The following BRSK2 variants were observed in gnomAD, a reference collection of about 807,000 sequenced individuals.
BRSK2 encodes the protein BR serine/threonine kinase 2.
A neutral mutation model predicts 83.3 loss-of-function variants in BRSK2; 19 were observed. That is an observed-to-expected ratio of 0.23 (90% CI 0.16 to 0.33). The LOEUF (loss-of-function observed/expected upper bound fraction) is 0.33, where lower values mean the gene tolerates loss of function less well. BRSK2 is among the 10% of genes least tolerant of loss of function. The probability of loss-of-function intolerance (pLI) is 1.00; values close to 1 mark genes in which losing one functional copy is unlikely to be tolerated. For missense variants in BRSK2, 798 were observed against 1,042.3 expected, an observed-to-expected ratio of 0.77 and a Z score of 3.23; for synonymous variants, 519 against 435.4, an observed-to-expected ratio of 1.19 and a Z score of -2.39.
intron 1 of BRSK2, among the ~76,000 whole-genome samples, chr11:1,427,909 A>C (rs983040522): frequency 4.1e-4 from 62 of 152,264 alleles, no homozygotes; most frequent in African/African-American, 1.5e-3. Flanking sequence ...TCATAACCCA[A>C]ACATTCTGCT....
chr11:1,456,853 G>A lies in BRSK2; in HGVS notation c.1939+166G>A, dbSNP rs550239691. 9.7e-5 allele frequency: 137 copies of A among 1,406,258 alleles called. No individual in the cohort carries two copies. The East Asian group carries it at 1.9e-3, about 20-fold the overall frequency. The allele number at this position is 1,406,258 out of a possible 1,614,324, so 87.1% of individuals were successfully genotyped here. A position where few individuals can be genotyped will look rare whatever the true frequency, so the allele number is the denominator to read the frequency against. ...CTGTGGCTGCACCCCTCAGGGAGCA[G>A]AGCCCCTCCCTGGCCTGGCGGGACC... On this transcript the variant is annotated intron_variant, in intron 18 of 19. Transcript: ENST00000528841.
Position 1,454,585 on chromosome 11 carries a change from G to A in BRSK2, c.1645G>A (p.Asp549Asn). The change falls in exon 16 of 20, where the codon GAC (aspartate) becomes AAC (asparagine). Residue 549 changes from aspartate (D) to asparagine (N), a missense_variant. Physicochemically the swap from Asp to Asn is conservative, Grantham distance 23. This residue lies in a region of BRSK2 where 455 missense variants were observed against 455.2 expected (regional missense o/e 1.00). Transcript: ENST00000528841. The surrounding 1 kb of genome is among the most constrained non-coding windows in gnomAD (Gnocchi z 5.2). ...CAAACCTCTGAGCTCCATCAAGGCT[G>A]ACATCGTGCACGCCTTCCTGTCGGT... ...KDKPLSSIKA[D>N]IVHAFLSIPS... 1 of 1,613,130 alleles carries A rather than the reference G, an allele frequency of 6.2e-7. No individual in the cohort carries two copies. Among genetic ancestry groups the A allele is most frequent in the Non-Finnish European group, 8.5e-7 (1 of 1,179,940 alleles).
At chr11:1,448,916 G>T (rs897027613) in intron 12 of BRSK2, among the ~76,000 whole-genome samples, 1 of 152,238 alleles carries the variant, frequency 6.6e-6, no homozygotes, top group African/African-American at 2.4e-5. Context: ...GCCCCTCGTG[G>T]CCGGCTGGCG....
intron 1 of BRSK2, among the ~76,000 whole-genome samples, chr11:1,416,374 AG>A (rs1294486741): frequency 3.9e-5 from 6 of 152,118 alleles, no homozygotes; most frequent in African/African-American, 7.2e-5. Flanking sequence ...GCTGTTTTGC[AG>A]GGTCAGTCTT....
chr11:1,424,668 C>T (rs1848994130), intron 1 of BRSK2, among the ~76,000 whole-genome samples: 1 of 152,210 alleles, frequency 6.6e-6, no homozygotes, highest in Non-Finnish European at 1.5e-5. Context: ...TCCTCCCGTG[C>T]TTCACCCTCC....
At chr11:1,417,036 G>A (rs1254993885) in intron 1 of BRSK2, among the ~76,000 whole-genome samples, 2 of 152,152 alleles carry the variant, frequency 1.3e-5, no homozygotes, top group African/African-American at 2.4e-5. Context: ...GCAGGCACCT[G>A]TAATCCCAGC....
At chr11:1,433,338 T>G (rs1156907512) in intron 1 of BRSK2, among the ~76,000 whole-genome samples, 1 of 152,256 alleles carries the variant, frequency 6.6e-6, no homozygotes, top group Non-Finnish European at 1.5e-5. Flanking sequence ...TGCACCCTCA[T>G]GATGCCCTGG....
intron 1 of BRSK2, among the ~76,000 whole-genome samples, chr11:1,402,070 CTT>C (rs1769049173): frequency 6.6e-6 from 1 of 152,230 alleles, no homozygotes. Flanking sequence ...GCCTCTCTGT[CTT>C]TAACTTACAG....
Position 1,460,932 on chromosome 11 carries a change from GTC to G in BRSK2, c.*213_*214del, listed in dbSNP as rs765460902. On this transcript the variant is annotated 3_prime_UTR_variant, in exon 20 of 20. Coordinates refer to ENST00000528841, the MANE Select transcript of BRSK2 (RefSeq NM_001256627.2). ...TTTCTCTCTGTCTCTGCCTCTGCCTGTCTCTGACAGCATCGCTTGTTTCCACT... is the reference window on the plus strand; with the variant it reads ...TTTCTCTCTGTCTCTGCCTCTGCCTGTCTGACAGCATCGCTTGTTTCCACT... The G allele has an allele frequency of 5.0e-6, 8 of 1,612,032 alleles. No individual in the cohort carries two copies. The African/African-American group carries it at 6.7e-5, about 13-fold the overall frequency.
chr11:1,456,550 G>C, intron 17 of BRSK2, 22 bp downstream of exon 17: 1 of 1,598,408 alleles, frequency 6.3e-7, no homozygotes, highest in Non-Finnish European at 8.5e-7. Flanking sequence ...CCCCCAGGGC[G>C]GCTCCGGGCC....
In BRSK2 at chr11:1,443,338, G is replaced by A; in HGVS notation, c.568G>A (p.Glu190Lys). 6.2e-7 allele frequency: 1 copy of A among 1,607,372 alleles called. No homozygotes were observed. The highest frequency in any genetic ancestry group is 8.5e-7 in the Non-Finnish European group (1 of 1,178,002). Residue 190 changes from glutamate to lysine, a missense_variant, in exon 7 of 20, where the codon GAG becomes AAG. By Grantham distance (56) the Glu-to-Lys change is moderately conservative. Coordinates refer to ENST00000528841, the MANE Select transcript of BRSK2 (RefSeq NM_001256627.2). ...GCCCGGGCACTGCTGTCCACAGGGG[G>A]AGAAGTATGACGGCCGGAAGGCGGA... is the stretch of plus-strand genomic sequence containing the variant. ...HYACPEVIRG[E>K]KYDGRKADVW... is the part of the protein sequence containing the mutation.
At chr11:1,453,300 C>T (rs1407550221) in intron 15 of BRSK2, among the ~76,000 whole-genome samples, 1 of 152,240 alleles carries the variant, frequency 6.6e-6, no homozygotes, top group Non-Finnish European at 1.5e-5. Flanking sequence ...AGGCATCTTT[C>T]ACACATGGGA....
chr11:1,458,031 C>G (rs553860480), intron 18 of BRSK2, among the ~76,000 whole-genome samples: 4 of 152,280 alleles, frequency 2.6e-5, no homozygotes, highest in Non-Finnish European at 5.9e-5. Flanking sequence ...CAGCCTCTGG[C>G]TCTCTGAGCC....
chr11:1,440,699 G>A lies in BRSK2; in HGVS notation c.273-89G>A. ...GATGGGGGCGGCCTGCAGAGAGGCT[G>A]GGCCAGGAGGCGGCTGTGGGAGGCC... On this transcript the variant is annotated intron_variant, in intron 3 of 19. Transcript: ENST00000528841. 3 of 1,474,586 alleles carry A rather than the reference G, an allele frequency of 2.0e-6. No homozygotes were observed. The South Asian group carries it at 4.0e-5, about 19-fold the overall frequency. The allele number at this position is 1,474,586 out of a possible 1,614,324, so 91.3% of individuals were successfully genotyped here.
rs924245767 is a variant in BRSK2 at position 1,423,606 on chromosome 11, C to T, written c.92-12434C>T. Among the ~76,000 whole-genome samples the T allele has an allele frequency of 3.3e-5, 5 of 152,114 alleles. No individual in the cohort carries two copies. The highest frequency in any genetic ancestry group is 6.5e-5 in the Admixed American group (1 of 15,278). On this transcript the variant is annotated intron_variant, in intron 1 of 19. Transcript: ENST00000528841. The surrounding 1 kb of genome is among the most constrained non-coding windows in gnomAD (Gnocchi z 6.5). The stretch of plus-strand genomic sequence containing the variant: ...GACGTGCTCTTTCACATTCTGGAGG[C>T]GGGAAGTCCAAGGTCCAGGGTGGGC...
intron 5 of BRSK2, 48 bp downstream of exon 5, chr11:1,442,654 G>T (rs545256581): frequency 2.7e-6 from 4 of 1,483,850 alleles, no homozygotes; most frequent in South Asian, 1.1e-5. Flanking sequence ...AGGCTGGGCT[G>T]GGGGAAGAGG....
chr11:1,443,877 TGTG>T (rs1233070695), intron 8 of BRSK2, among the ~76,000 whole-genome samples: 1 of 151,894 alleles, frequency 6.6e-6, no homozygotes, highest in Non-Finnish European at 1.5e-5. Flanking sequence ...CGCACCCAGG[TGTG>T]GGAGTGCCCA....
At position 1,438,096 on chromosome 11, in the gene BRSK2, AC is replaced by A; in HGVS notation, c.187-209del. Among the ~76,000 whole-genome samples the A allele has an allele frequency of 8.3e-6, 1 of 119,934 alleles. No individual in the cohort carries two copies. The highest frequency in any genetic ancestry group is 1.8e-5 in the Non-Finnish European group (1 of 55,294). 78.7% of individuals were successfully genotyped at this position (119,934 alleles called of 152,430 possible). On this transcript the variant is annotated intron_variant, in intron 2 of 19. Transcript: ENST00000528841. This position sits in a 1 kb window ranked among gnomAD's most constrained non-coding sequence, Gnocchi z 6.4. ...GGCACCAAAGGCCCCTGCGTCCCCC[AC>A]AGCTGGCACCAAAGGCCCCTGCGTC...
intron 1 of BRSK2, chr11:1,410,909 G>GGGT: frequency 5.1e-6 from 5 of 987,844 alleles, no homozygotes; most frequent in Non-Finnish European, 6.0e-6. Flanking sequence ...TGCAGAAGGT[G>GGGT]GGTGTTCCCC....
Sources: gnomAD v4.1 joint callset for allele counts (sites outside exome capture counted in the v4.1 genomes callset) on GRCh38, gnomAD v4.1.1 for gene constraint, gnomAD v4.1.1 regional missense constraint, Gnocchi (gnomAD v3.1) non-coding constraint, MANE v1.5 for transcripts, NCBI Gene and HGNC (gene_info 2026-07-23, HGNC 2026-07-21) for gene names.